GRM7: variants seen among roughly 807,000 people sequenced by gnomAD.
GRM7 encodes the protein glutamate metabotropic receptor 7, also known as metabotropic glutamate receptor 7.
A neutral mutation model predicts 84.5 loss-of-function variants in GRM7; 35 were observed. The observed-to-expected ratio is 0.41, with a 90% CI of 0.32 to 0.55. The LOEUF is 0.55. Among genes scored for constraint, GRM7 ranks in the 20% least tolerant of loss-of-function variants. GRM7 has a pLI of 0.19. For missense variants in GRM7, 1,003 were observed against 1,194.6 expected, an observed-to-expected ratio of 0.84 and a Z score of 2.36; for synonymous variants, 487 against 455.1, an observed-to-expected ratio of 1.07 and a Z score of -0.89.
intron 3 of GRM7, among the ~76,000 whole-genome samples, chr3:7,304,228 TC>T (rs1282762231): frequency 2.6e-5 from 4 of 151,542 alleles, no homozygotes; most frequent in African/African-American, 9.7e-5. Flanking sequence ...GTATTGAGAT[TC>T]TTTGTGTGTT....
intron 1 of GRM7, among the ~76,000 whole-genome samples, chr3:6,948,341 C>A (rs1698170787): frequency 6.6e-6 from 1 of 152,228 alleles, no homozygotes; most frequent in South Asian, 2.1e-4. Context: ...GCTGGTTGTT[C>A]AGTTCCCATG....
At chr3:7,192,418 T>C (rs1695739456) in intron 2 of GRM7, among the ~76,000 whole-genome samples, 1 of 152,152 alleles carries the variant, frequency 6.6e-6, no homozygotes, top group African/African-American at 2.4e-5. Context: ...TGAACCAACT[T>C]CCTCAAATTT....
chr3:6,987,219 G>A (rs1306666220), intron 1 of GRM7, among the ~76,000 whole-genome samples: 1 of 152,138 alleles, frequency 6.6e-6, no homozygotes, highest in Non-Finnish European at 1.5e-5. Flanking sequence ...ATACAGGCAT[G>A]CACTGCTTGG....
At chr3:7,468,712 G>T (rs1163444225) in intron 7 of GRM7, among the ~76,000 whole-genome samples, 1 of 152,052 alleles carries the variant, frequency 6.6e-6, no homozygotes, top group African/African-American at 2.4e-5. Context: ...TGGGTCATTG[G>T]GGTGGTTTCC....
At chr3:7,493,446 CT>C (rs935021004) in intron 7 of GRM7, among the ~76,000 whole-genome samples, 1 of 151,534 alleles carries the variant, frequency 6.6e-6, no homozygotes, top group Non-Finnish European at 1.5e-5. Context: ...TAGTAATTGC[CT>C]TTGCTCTGAA....
intron 4 of GRM7, among the ~76,000 whole-genome samples, chr3:7,377,713 A>G (rs776947072): frequency 1.3e-5 from 2 of 152,236 alleles, no homozygotes; most frequent in Non-Finnish European, 2.9e-5. Context: ...TAAATCTATT[A>G]GTAAAAGACA....
At chr3:7,240,129 T>TTTTTTTG (rs1697499826) in intron 2 of GRM7, among the ~76,000 whole-genome samples, 1 of 142,466 alleles carries the variant, frequency 7.0e-6, no homozygotes, top group African/African-American at 2.6e-5. Flanking sequence ...GGTTTTTTTT[T>TTTTTTTG]TTTTTTTTTT....
chr3:7,247,860 A>G (rs1411955838), intron 2 of GRM7, among the ~76,000 whole-genome samples: 2 of 152,156 alleles, frequency 1.3e-5, no homozygotes, highest in East Asian at 1.9e-4. Context: ...AAGCATTTCA[A>G]AAAGTGATAA....
intron 4 of GRM7, among the ~76,000 whole-genome samples, chr3:7,391,279 A>G (rs1439258958): frequency 1.3e-5 from 2 of 152,194 alleles, no homozygotes; most frequent in Non-Finnish European, 2.9e-5. Flanking sequence ...TTGCAGCATT[A>G]TTCACAATAG....
intron 4 of GRM7, among the ~76,000 whole-genome samples, chr3:7,368,505 T>G (rs867731958): frequency 6.6e-6 from 1 of 152,144 alleles, no homozygotes; most frequent in Non-Finnish European, 1.5e-5. Flanking sequence ...TTTTTTCTAT[T>G]GAAAATGTAA....
Position 7,162,729 on chromosome 3 carries a change from A to ATTTTTTTTTTTTTTTTTTTTTT in GRM7, c.736+16088_736+16109dup, listed in dbSNP as rs71063284. On this transcript the variant is annotated intron_variant, in intron 2 of 9. Coordinates refer to ENST00000357716, the MANE Select transcript of GRM7 (RefSeq NM_000844.4). Reference sequence around the variant, plus strand: ...CAATCTCCCATTACTCCCATTTTTCATTTTTTTTTTTTTTTTTTTTTTTTT... The same window carrying ATTTTTTTTTTTTTTTTTTTTTT: ...CAATCTCCCATTACTCCCATTTTTCATTTTTTTTTTTTTTTTTTTTTTTTTTTTTTTTTTTTTTTTTTTTTTT... Among the ~76,000 whole-genome samples the ATTTTTTTTTTTTTTTTTTTTTT allele has an allele frequency of 2.0e-4, 11 of 54,714 alleles. 2 individuals carry two copies. The highest frequency in any genetic ancestry group is 6.6e-4 in the East Asian group (1 of 1,520). The allele number at this position is 54,714 out of a possible 152,430, so 35.9% of individuals were successfully genotyped here.
chr3:7,143,807 A>C (rs1464398495), intron 1 of GRM7, among the ~76,000 whole-genome samples: 1 of 152,180 alleles, frequency 6.6e-6, no homozygotes, highest in Non-Finnish European at 1.5e-5. Flanking sequence ...TTACATTTCC[A>C]CAAGTTGAAA....
At chr3:7,002,294 T>A (rs151007135) in intron 1 of GRM7, among the ~76,000 whole-genome samples, 212 of 152,336 alleles carry the variant, frequency 1.4e-3, no homozygotes, top group African/African-American at 4.6e-3. Context: ...TTGTATAATC[T>A]TTATTAGACT....
chr3:7,282,648 T>C (rs1016307747), intron 2 of GRM7, among the ~76,000 whole-genome samples: 4 of 152,242 alleles, frequency 2.6e-5, no homozygotes, highest in Non-Finnish European at 4.4e-5. Flanking sequence ...GGTGCCATTA[T>C]TCTGCCTACC....
chr3:7,039,415 A>T (rs1308689276), intron 1 of GRM7, among the ~76,000 whole-genome samples: 3 of 152,184 alleles, frequency 2.0e-5, no homozygotes, highest in African/African-American at 7.2e-5. Context: ...TTATGTCTTT[A>T]TTCTTCTAAT....
At chr3:7,381,580 A>G (rs1694593325) in intron 4 of GRM7, among the ~76,000 whole-genome samples, 1 of 152,182 alleles carries the variant, frequency 6.6e-6, no homozygotes. Flanking sequence ...AAAGATGTAT[A>G]TCCAAAGAGC....
chr3:7,291,308 G>A (rs1699611431), intron 2 of GRM7, among the ~76,000 whole-genome samples: 1 of 152,128 alleles, frequency 6.6e-6, no homozygotes, highest in African/African-American at 2.4e-5. Context: ...AAGTAGGTGG[G>A]TGCTAACAGT....
At chr3:7,567,651 G>C (rs1694369955) in intron 7 of GRM7, among the ~76,000 whole-genome samples, 1 of 149,678 alleles carries the variant, frequency 6.7e-6, no homozygotes, top group South Asian at 2.1e-4. Context: ...GGAAGGCTGA[G>C]GCATGAGAAT....
intron 4 of GRM7, among the ~76,000 whole-genome samples, chr3:7,307,780 C>A (rs1235992684): frequency 6.6e-6 from 1 of 152,122 alleles, no homozygotes; most frequent in Non-Finnish European, 1.5e-5. Context: ...TTCTCCATTC[C>A]TTGCACTGGA....
Sources: allele counts gnomAD v4.1 joint callset (sites outside exome capture counted in the v4.1 genomes callset), GRCh38; gene constraint gnomAD v4.1.1; transcripts MANE v1.5; gene names NCBI Gene and HGNC (gene_info 2026-07-23, HGNC 2026-07-21).